The following ITFG1 variants were observed in gnomAD, a reference collection of about 807,000 sequenced individuals.
The protein encoded by ITFG1 is T-cell immunomodulatory protein.
In ITFG1, 34 loss-of-function variants were observed where a neutral mutation model predicts 81.8. The observed-to-expected ratio is 0.42, with a 90% CI of 0.32 to 0.55. ITFG1 has a LOEUF of 0.55. Among genes scored for constraint, ITFG1 ranks in the 20% least tolerant of loss-of-function variants. ITFG1 has a pLI of 0.17. For missense variants in ITFG1, 672 were observed against 755.4 expected (o/e 0.89, Z 1.29); for synonymous variants, 285 against 270.6 (o/e 1.05, Z -0.52).
chr16:47,409,720 C>T (rs1334461937), intron 6 of ITFG1, among the ~76,000 whole-genome samples: 1 of 150,890 alleles, frequency 6.6e-6, no homozygotes, highest in Non-Finnish European at 1.5e-5. Flanking sequence ...CCTGACCCCA[C>T]AAAAAAAATT....
intron 6 of ITFG1, among the ~76,000 whole-genome samples, chr16:47,391,700 G>T (rs928333701): frequency 2.6e-5 from 4 of 152,112 alleles, no homozygotes; most frequent in African/African-American, 9.7e-5. Context: ...TTGAAAGTCA[G>T]GATAAATATT....
intron 12 of ITFG1, among the ~76,000 whole-genome samples, chr16:47,254,769 A>C (rs1423653562): frequency 6.6e-6 from 1 of 152,196 alleles, no homozygotes; most frequent in Non-Finnish European, 1.5e-5. Flanking sequence ...GAAAGAATTG[A>C]TCTTTAATCT....
chr16:47,185,118 G>T (rs1479309405), intron 14 of ITFG1, among the ~76,000 whole-genome samples: 1 of 151,930 alleles, frequency 6.6e-6, no homozygotes, highest in Non-Finnish European at 1.5e-5. Flanking sequence ...GGAGCACCCA[G>T]ATTCATAAAG....
At chr16:47,306,652 T>TA (rs67062030) in intron 10 of ITFG1, among the ~76,000 whole-genome samples, 13,601 of 145,184 alleles carry the variant, frequency 0.094, 1,170 homozygotes, top group African/African-American at 0.23. Flanking sequence ...TGTAAAAAAT[T>TA]AAAAAAAAAA....
intron 8 of ITFG1, among the ~76,000 whole-genome samples, chr16:47,360,772 T>C (rs1377738220): frequency 6.6e-6 from 1 of 152,214 alleles, no homozygotes; most frequent in Non-Finnish European, 1.5e-5. Context: ...AGATGGTTAC[T>C]CAATACACCT....
At chr16:47,266,452 A>C (rs541588905) in intron 10 of ITFG1, among the ~76,000 whole-genome samples, 128 of 152,330 alleles carry the variant, frequency 8.4e-4, no homozygotes, top group Non-Finnish European at 1.6e-3. Flanking sequence ...TCCTGACTTC[A>C]AGTGATCTGC....
Position 47,311,270 on chromosome 16 carries a change from G to A in ITFG1, c.1040C>T (p.Ala347Val), listed in dbSNP as rs775279488. 8 of 1,611,972 alleles carry A rather than the reference G, an allele frequency of 5.0e-6. No homozygotes were observed. The highest frequency in any genetic ancestry group is 1.1e-5 in the South Asian group (1 of 90,792). Residue 347 changes from alanine to valine, a missense_variant, in exon 10 of 18, where the codon GCT (alanine) becomes GTT (valine). Transcript: ENST00000320640. The part of the protein sequence containing the change: ...GDYNMDGYPD[A>V]LVILKNTSGS... ...AGATGTGTTCTTTAGTATGACCAGA[G>A]CGTCTGGATAGCCATCCATATTGTA...
At chr16:47,291,780 A>G (rs984635329) in intron 10 of ITFG1, among the ~76,000 whole-genome samples, 4 of 152,260 alleles carry the variant, frequency 2.6e-5, no homozygotes, top group Non-Finnish European at 5.9e-5. Context: ...ATTAAGCTGC[A>G]GGATTTCTGT....
chr16:47,438,572 C>G (rs892925027), intron 5 of ITFG1, among the ~76,000 whole-genome samples: 4 of 152,206 alleles, frequency 2.6e-5, no homozygotes, highest in East Asian at 1.9e-4. Flanking sequence ...CCCAGGCAAA[C>G]AGGGTCTGGA....
At chr16:47,412,712 A>C (rs1185016874) in intron 6 of ITFG1, among the ~76,000 whole-genome samples, 1 of 149,392 alleles carries the variant, frequency 6.7e-6, no homozygotes, top group Non-Finnish European at 1.5e-5. Context: ...AAAAAAAAAA[A>C]ATCATGAAAC....
intron 8 of ITFG1, among the ~76,000 whole-genome samples, chr16:47,326,673 A>C (rs1255334538): frequency 6.6e-6 from 1 of 152,224 alleles, no homozygotes; most frequent in South Asian, 2.1e-4. Context: ...ATTCTTATAC[A>C]CCAAAAACAG....
At chr16:47,280,276 G>C (rs926173057) in intron 10 of ITFG1, among the ~76,000 whole-genome samples, 6 of 152,070 alleles carry the variant, frequency 3.9e-5, no homozygotes, top group African/African-American at 1.4e-4. Flanking sequence ...TTATCAAGTT[G>C]ATGACGTTCC....
chr16:47,234,533 C>T (rs1194305610), intron 13 of ITFG1, among the ~76,000 whole-genome samples: 2 of 151,802 alleles, frequency 1.3e-5, no homozygotes, highest in African/African-American at 4.8e-5. Context: ...CATGACAGAC[C>T]TCAAGCCACA....
chr16:47,161,757 G>A lies in ITFG1; in HGVS notation c.1654C>T (p.Pro552Ser). The change falls in exon 16 of 18, where the codon CCT becomes TCT. Residue 552 changes from proline (P) to serine (S), a missense_variant. Pro to Ser is a moderately conservative substitution (Grantham distance 74, BLOSUM62 -1). Around this residue, in one of 3 missense-constraint regions of ITFG1, gnomAD observed 65 missense variants for 103.3 expected, o/e 0.63. Coordinates refer to ENST00000320640, the MANE Select transcript of ITFG1 (RefSeq NM_030790.5). The stretch of plus-strand genomic sequence containing the variant: ...TTCAAGCAAGTACATTACCTTCGAG[G>A]GACATTGTGAGGGTATGGAATGACA... ...LIVIPYPHNV[P>S]RSWSAKLYLT... is the part of the protein sequence containing the mutation. The A allele has an allele frequency of 6.2e-7, 1 of 1,604,790 alleles. No individual in the cohort carries two copies. Among genetic ancestry groups the A allele is most frequent in the Non-Finnish European group, 8.5e-7 (1 of 1,171,764 alleles).
chr16:47,243,727 G>A (rs1965964492), intron 12 of ITFG1, among the ~76,000 whole-genome samples: 1 of 152,144 alleles, frequency 6.6e-6, no homozygotes, highest in Non-Finnish European at 1.5e-5. Context: ...ATGCAAATAT[G>A]TTTCATAAAG....
At chr16:47,415,960 G>A (rs1039324895) in intron 6 of ITFG1, among the ~76,000 whole-genome samples, 1 of 152,096 alleles carries the variant, frequency 6.6e-6, no homozygotes, top group Non-Finnish European at 1.5e-5. Context: ...TGGGCATGGT[G>A]GTGGGCGCCT....
At chr16:47,344,815 T>C (rs923578760) in intron 8 of ITFG1, among the ~76,000 whole-genome samples, 2 of 152,198 alleles carry the variant, frequency 1.3e-5, no homozygotes, top group African/African-American at 2.4e-5. Context: ...AGTGAGAACA[T>C]GGGATGTTGT....
At chr16:47,307,007 C>T (rs1012830044) in intron 10 of ITFG1, among the ~76,000 whole-genome samples, 19 of 135,626 alleles carry the variant, frequency 1.4e-4, no homozygotes, top group African/African-American at 4.0e-4. Context: ...GGCAGGAGAA[C>T]GGCGTGAACC....
intron 5 of ITFG1, among the ~76,000 whole-genome samples, chr16:47,439,755 G>A (rs1969220335): frequency 1.3e-5 from 2 of 152,102 alleles, no homozygotes; most frequent in African/African-American, 4.8e-5. Context: ...AGACCATGAA[G>A]GTTAGGAAGA....
Sources: allele counts gnomAD v4.1 joint callset (sites outside exome capture counted in the v4.1 genomes callset), GRCh38; gene constraint gnomAD v4.1.1; regional missense constraint gnomAD v4.1.1; transcripts MANE v1.5; gene names NCBI Gene and HGNC (gene_info 2026-07-23, HGNC 2026-07-21).